RRBP1: variants seen among roughly 807,000 people sequenced by gnomAD.
RRBP1 encodes the protein ribosome-binding protein 1.
In RRBP1, 94 loss-of-function variants were observed where a neutral mutation model predicts 165.2. The observed-to-expected ratio is 0.57, with a 90% CI of 0.48 to 0.68. The LOEUF is 0.68. Among genes scored for constraint, RRBP1 ranks in the 30% least tolerant of loss-of-function variants. RRBP1 has a pLI of 0.00. For missense variants in RRBP1, 1,676 were observed against 1,763.0 expected (o/e 0.95, Z 0.88); for synonymous variants, 680 against 714.5 (o/e 0.95, Z 0.77).
Position 17,659,668 on chromosome 20 carries a change from T to C in RRBP1, c.840A>G (p.Lys280=). The change falls in exon 3 of 25, where the codon AAA becomes AAG. Residue 280 remains lysine (K), a synonymous_variant. Coordinates refer to ENST00000377813, the MANE Select transcript of RRBP1 (RefSeq NM_001365613.2). ...CCTGGGTTGGGGCCCCCTCCACCTTTTTCCCCTGGTTTGGGGTTGTATCTA... is the reference window on the plus strand; with the variant it reads ...CCTGGGTTGGGGCCCCCTCCACCTTCTTCCCCTGGTTTGGGGTTGTATCTA... ...KKVDTTPNQG[K]KVEGAPTQGR... is the part of the protein sequence containing the mutation. The C allele has an allele frequency of 3.2e-6, 5 of 1,548,750 alleles. No homozygotes were observed. Among genetic ancestry groups the C allele is most frequent in the Non-Finnish European group, 4.4e-6 (5 of 1,146,466 alleles).
At position 17,614,048 on chromosome 20, in the gene RRBP1, T is replaced by C. The variant is rs947411580; in HGVS notation, c.*134A>G. On this transcript the variant is annotated 3_prime_UTR_variant, in exon 25 of 25. Coordinates refer to ENST00000377813, the MANE Select transcript of RRBP1 (RefSeq NM_001365613.2). ...TACTTCTGTGGCTCTAAGAGACTTGTCTCTCATGGCTTCTCTCGGAGCTAC... is the reference window on the plus strand; with the variant it reads ...TACTTCTGTGGCTCTAAGAGACTTGCCTCTCATGGCTTCTCTCGGAGCTAC... The C allele has an allele frequency of 2.7e-5, 23 of 845,982 alleles. No individual in the cohort carries two copies. Among genetic ancestry groups the C allele is most frequent in the Non-Finnish European group, 5.9e-6 (3 of 504,806 alleles). 52.4% of individuals were successfully genotyped at this position (845,982 alleles called of 1,614,324 possible). A position where few individuals can be genotyped will look rare whatever the true frequency, so the allele number is the denominator to read the frequency against.
chr20:17,619,879 C>T (rs1479349292), intron 18 of RRBP1, 151 bp from the exon 19 acceptor site: 8 of 571,960 alleles, frequency 1.4e-5, no homozygotes, highest in Admixed American at 3.5e-5. Flanking sequence ...GAAACTAGTC[C>T]GCGGCAAGAG....
intron 4 of RRBP1, 39 bp downstream of exon 4, chr20:17,642,940 A>C: frequency 1.2e-6 from 2 of 1,602,956 alleles, no homozygotes; most frequent in Non-Finnish European, 1.7e-6. Flanking sequence ...AGCCAGCTGC[A>C]GTGGCCTCTG....
Position 17,620,764 on chromosome 20 carries a change from T to C in RRBP1, c.3458A>G (p.Glu1153Gly). The C allele has an allele frequency of 6.2e-7, 1 of 1,608,256 alleles. No individual in the cohort carries two copies. The highest frequency in any genetic ancestry group is 8.5e-7 in the Non-Finnish European group (1 of 1,179,592). The change falls in exon 17 of 25, where the codon GAG (glutamate) becomes GGG (glycine). Residue 1153 changes from glutamate to glycine, a missense_variant. Transcript: ENST00000377813. ...RDLQKSVEEE[E>G]QVWRAKVGAA... ...GCCCACCTTGGCCCTCCACACCTGCTCCTCCTCCTCCACGCTCTTCTGCAG... is the reference window on the plus strand; with the variant it reads ...GCCCACCTTGGCCCTCCACACCTGCCCCTCCTCCTCCACGCTCTTCTGCAG...
Position 17,660,548 on chromosome 20 carries a change from G to A in RRBP1, c.-21-20C>T, listed in dbSNP as rs754185513. 2 of 1,442,710 alleles carry A rather than the reference G, an allele frequency of 1.4e-6. No individual in the cohort carries two copies. The highest frequency in any genetic ancestry group is 1.9e-5 in the Admixed American group (1 of 52,530). The allele number at this position is 1,442,710 out of a possible 1,614,324, so 89.4% of individuals were successfully genotyped here. A position where few individuals can be genotyped will look rare whatever the true frequency, so the allele number is the denominator to read the frequency against. On this transcript the variant is annotated intron_variant, in intron 2 of 24. Transcript: ENST00000377813. ...TTTCACCTGTCAAACATACATGGAG[G>A]TTACTATTTATAGAAATCAAGGCCT...
At chr20:17,653,645 C>T (rs574190563) in intron 3 of RRBP1, among the ~76,000 whole-genome samples, 132 of 152,234 alleles carry the variant, frequency 8.7e-4, no homozygotes, top group Non-Finnish European at 1.4e-3. Context: ...AGACCAGCTG[C>T]CAACATGGTG....
intron 5 of RRBP1, among the ~76,000 whole-genome samples, chr20:17,640,894 G>A (rs1412645479): frequency 6.6e-6 from 1 of 152,226 alleles, no homozygotes; most frequent in South Asian, 2.1e-4. Context: ...CCGGAAGAAG[G>A]GCTGTAGCCC....
rs191004864 is a variant in RRBP1, at chr20:17,661,359, G to A, written c.-21-831C>T. ...GAAACAGGAAGAATCAGTCTTGGGA[G>A]GCCCAGAAGATGCCAGGTTTGGAAT... On this transcript the variant is annotated intron_variant, in intron 2 of 24. Transcript: ENST00000377813. Among the ~76,000 whole-genome samples the A allele has an allele frequency of 3.3e-3, 501 of 152,340 alleles. 3 individuals carry two copies. Among genetic ancestry groups the A allele is most frequent in the Non-Finnish European group, 5.4e-3 (365 of 68,024 alleles).
chr20:17,615,470 G>A lies in RRBP1; in HGVS notation c.4011C>T (p.Pro1337=), dbSNP rs2035780474. The change falls in exon 23 of 25, where the codon CCC becomes CCT. Residue 1337 remains proline, a synonymous_variant. Transcript: ENST00000377813. ...CCTCCTCTGTTTCTGAAGACTCTAG[G>A]GGGCCGGCTGTGCGGAGCTTCTCCA... ...EELEKLRTAG[P]LESSETEEAS... 2 of 1,609,282 alleles carry A rather than the reference G, an allele frequency of 1.2e-6. No homozygotes were observed. Among genetic ancestry groups the A allele is most frequent in the Non-Finnish European group, 1.7e-6 (2 of 1,178,382 alleles).
rs950174023 is a variant in RRBP1 at position 17,642,899 on chromosome 20, T to C, written c.2061+80A>G. 21 of 1,450,592 alleles carry C rather than the reference T, an allele frequency of 1.4e-5. 1 individual carries two copies. The highest frequency in any genetic ancestry group is 1.8e-5 in the Admixed American group (1 of 56,502). The allele number at this position is 1,450,592 out of a possible 1,614,324, so 89.9% of individuals were successfully genotyped here. On this transcript the variant is annotated intron_variant, in intron 4 of 24. Coordinates refer to ENST00000377813, the MANE Select transcript of RRBP1 (RefSeq NM_001365613.2). ...TGGAGGCTGTCCTATGAATGTCCTC[T>C]CTGTGGCAGAGGGAAGGGCAAAACC...
chr20:17,663,412 G>A (rs1029592548), intron 2 of RRBP1, among the ~76,000 whole-genome samples: 1 of 152,164 alleles, frequency 6.6e-6, no homozygotes, highest in Non-Finnish European at 1.5e-5. Context: ...CCTTTGCAAC[G>A]CACACAAATA....
chr20:17,622,472 A>AG lies in RRBP1; in HGVS notation c.3148-526dup, dbSNP rs534804044. On this transcript the variant is annotated intron_variant, in intron 13 of 24. Coordinates refer to ENST00000377813, the MANE Select transcript of RRBP1 (RefSeq NM_001365613.2). ...GGTTAGGGGCTAGTGGCAGCCAGGA[A>AG]GGGGCAACCCAGAGAGGCTCATCTC... Among the ~76,000 whole-genome samples the AG allele has an allele frequency of 1.5e-3, 232 of 152,102 alleles. 1 individual carries two copies. The highest frequency in any genetic ancestry group is 5.3e-3 in the African/African-American group (220 of 41,510).
chr20:17,680,990 C>T (rs892198833), intron 1 of RRBP1, among the ~76,000 whole-genome samples: 1 of 152,076 alleles, frequency 6.6e-6, no homozygotes, highest in African/African-American at 2.4e-5. Flanking sequence ...AGCTAAAACT[C>T]GCGACTTATC....
intron 1 of RRBP1, among the ~76,000 whole-genome samples, chr20:17,681,585 C>A (rs1487710094): frequency 1.4e-5 from 2 of 140,014 alleles, no homozygotes; most frequent in Non-Finnish European, 3.1e-5. Flanking sequence ...AGCCCGGCAA[C>A]GTCATCCGGC....
At chr20:17,615,673 C>G (rs2035786636) in intron 22 of RRBP1, 144 bp from the exon 23 acceptor site, 1 of 668,244 alleles carries the variant, frequency 1.5e-6, no homozygotes. Context: ...AATGAGTGGG[C>G]CAGACCCACA....
At chr20:17,626,904 T>C (rs1397416063) in intron 11 of RRBP1, among the ~76,000 whole-genome samples, 1 of 152,240 alleles carries the variant, frequency 6.6e-6, no homozygotes, top group East Asian at 1.9e-4. Context: ...CTGCCAGCTC[T>C]GCCCCGACGC....
At position 17,618,599 on chromosome 20, in the gene RRBP1, G is replaced by A. The variant is rs1294080290; in HGVS notation, c.3756C>T (p.Ala1252=). ...TGGGGACATGGAGGCCACCTACCAGGGCAAGCTCATCGCTCTGTTTCTGGG... is the reference window on the plus strand; with the variant it reads ...TGGGGACATGGAGGCCACCTACCAGAGCAAGCTCATCGCTCTGTTTCTGGG... ...SEAQKQSDEL[A]LVRQQLSEMK... is the part of the protein sequence containing the mutation. Residue 1252 remains alanine, a synonymous_variant, in exon 20 of 25, where the codon GCC becomes GCT. Transcript: ENST00000377813. The A allele has an allele frequency of 9.3e-6, 15 of 1,613,544 alleles. No individual in the cohort carries two copies. In the Admixed American group the frequency reaches 1.3e-4, roughly 14 times the overall value.
rs541556842 is a variant in RRBP1, at chr20:17,661,709, G to A, written c.-21-1181C>T. ...AGGGGAGGTAAAAGGAGGTGGAAGAGGAGAGGAGGGGAAGTGGACAGGCCT... is the reference window on the plus strand; with the variant it reads ...AGGGGAGGTAAAAGGAGGTGGAAGAAGAGAGGAGGGGAAGTGGACAGGCCT... On this transcript the variant is annotated intron_variant, in intron 2 of 24. Coordinates refer to ENST00000377813, the MANE Select transcript of RRBP1 (RefSeq NM_001365613.2). Among the ~76,000 whole-genome samples, 94 of 152,264 alleles carry A rather than the reference G, an allele frequency of 6.2e-4. 1 individual carries two copies. The highest frequency in any genetic ancestry group is 2.2e-3 in the African/African-American group (90 of 41,550).
chr20:17,624,591 G>A lies in RRBP1; in HGVS notation c.3132C>T (p.Ser1044=). 1 of 1,592,848 alleles carries A rather than the reference G, an allele frequency of 6.3e-7. No homozygotes were observed. Among genetic ancestry groups the A allele is most frequent in the South Asian group, 1.1e-5 (1 of 87,150 alleles). The change falls in exon 13 of 25, where the codon TCC becomes TCT. Residue 1044 remains serine (S), a synonymous_variant. Transcript: ENST00000377813. ...GGGCTCTGACCTTGGCCTGGGTCAG[G>A]GAGAGCAGCTTCTCCTTGCAGGCCT... is the stretch of plus-strand genomic sequence containing the variant. ...AEQACKEKLL[S]LTQAKEESEK... is the part of the protein sequence containing the mutation.
Sources: allele counts gnomAD v4.1 joint callset (sites outside exome capture counted in the v4.1 genomes callset), GRCh38; gene constraint gnomAD v4.1.1; transcripts MANE v1.5; gene names NCBI Gene and HGNC (gene_info 2026-07-23, HGNC 2026-07-21).